The following ASIC2 variants were observed in gnomAD, a reference collection of about 807,000 sequenced individuals.
ASIC2 encodes the protein acid-sensing ion channel 2.
Under a neutral mutation model 57.3 loss-of-function variants are expected in ASIC2, and 25 were observed. The ratio of observed to expected loss-of-function variants is 0.44; its 90% CI spans 0.32 to 0.61. The LOEUF (loss-of-function observed/expected upper bound fraction) is 0.61, where lower values mean the gene tolerates loss of function less well. ASIC2 is among the 20% of genes least tolerant of loss of function. ASIC2 has a pLI of 0.06. For synonymous variants in ASIC2, 319 were observed against 307.5 expected (o/e 1.04, Z -0.39); for missense variants, 641 against 738.1 (o/e 0.87, Z 1.52).
intron 1 of ASIC2, among the ~76,000 whole-genome samples, chr17:33,388,978 G>C (rs572762277): frequency 5.3e-5 from 8 of 152,200 alleles, no homozygotes; most frequent in Non-Finnish European, 1.0e-4. Flanking sequence ...GTTTGTTTTT[G>C]AGACAGAGTC....
At chr17:34,100,595 A>G (rs540680794) in intron 1 of ASIC2, among the ~76,000 whole-genome samples, 8 of 152,110 alleles carry the variant, frequency 5.3e-5, no homozygotes, top group Non-Finnish European at 1.0e-4. Flanking sequence ...AGACACCTCA[A>G]TGCAGAAGGG....
At chr17:33,594,603 C>T (rs1370915274) in intron 1 of ASIC2, among the ~76,000 whole-genome samples, 1 of 151,648 alleles carries the variant, frequency 6.6e-6, no homozygotes, top group Non-Finnish European at 1.5e-5. Flanking sequence ...CTGAGGCAGG[C>T]GGATCACGAG....
intron 1 of ASIC2, among the ~76,000 whole-genome samples, chr17:33,959,116 C>T (rs1264190890): frequency 1.3e-5 from 2 of 152,192 alleles, no homozygotes; most frequent in Admixed American, 1.3e-4. Context: ...TTGGTCAAAG[C>T]CATTCAACAA....
At chr17:34,020,316 T>G (rs1367394762) in intron 1 of ASIC2, among the ~76,000 whole-genome samples, 1 of 152,224 alleles carries the variant, frequency 6.6e-6, no homozygotes, top group Non-Finnish European at 1.5e-5. Flanking sequence ...TTACTCTAAC[T>G]GCCTTGACAT....
intron 1 of ASIC2, among the ~76,000 whole-genome samples, chr17:33,470,610 G>C (rs576910611): frequency 6.6e-6 from 1 of 152,160 alleles, no homozygotes; most frequent in African/African-American, 2.4e-5. Flanking sequence ...GGATCACTGT[G>C]ATCACTAAAG....
intron 1 of ASIC2, among the ~76,000 whole-genome samples, chr17:33,995,079 G>T (rs1016597875): frequency 2.0e-5 from 3 of 152,080 alleles, no homozygotes; most frequent in Admixed American, 6.5e-5. Flanking sequence ...CTCCATCCAG[G>T]ACTGTACCTA....
intron 1 of ASIC2, among the ~76,000 whole-genome samples, chr17:33,919,772 T>G (rs1051674605): frequency 6.6e-6 from 1 of 152,152 alleles, no homozygotes; most frequent in Non-Finnish European, 1.5e-5. Flanking sequence ...AAATTATGCA[T>G]CCAGCAAAGG....
intron 1 of ASIC2, among the ~76,000 whole-genome samples, chr17:33,595,131 C>T (rs1235314878): frequency 1.3e-5 from 2 of 152,076 alleles, no homozygotes; most frequent in Admixed American, 6.5e-5. Flanking sequence ...GAGGCTGAGG[C>T]AGGAAGCTTG....
At chr17:34,145,227 A>G (rs11657866) in intron 1 of ASIC2, among the ~76,000 whole-genome samples, 115,340 of 152,074 alleles carry the variant, frequency 0.76, 43,826 homozygotes, top group South Asian at 0.85. Context: ...ACAGTCTCAT[A>G]TGGCACCATT....
intron 1 of ASIC2, among the ~76,000 whole-genome samples, chr17:34,132,280 C>A (rs559557611): frequency 6.6e-6 from 1 of 152,060 alleles, no homozygotes; most frequent in East Asian, 1.9e-4. Context: ...AGTGTTACAG[C>A]TCTTAAAGGT....
chr17:33,092,655 C>T (rs8075661), intron 2 of ASIC2, among the ~76,000 whole-genome samples: 2,749 of 152,326 alleles, frequency 0.018, 72 homozygotes, highest in African/African-American at 0.063. Flanking sequence ...GGTCAGACAG[C>T]AAGTCAAGAG....
chr17:34,034,311 A>T (rs533553437), intron 1 of ASIC2, among the ~76,000 whole-genome samples: 1 of 152,086 alleles, frequency 6.6e-6, no homozygotes, highest in South Asian at 2.1e-4. Context: ...AAATTCAACA[A>T]CCCTTCATGC....
chr17:34,018,964 G>T (rs1362019294), intron 1 of ASIC2, among the ~76,000 whole-genome samples: 1 of 151,956 alleles, frequency 6.6e-6, no homozygotes, highest in Non-Finnish European at 1.5e-5. Context: ...CTGGAGTGCA[G>T]TGGCGCGATC....
chr17:33,687,145 C>T (rs372740463), intron 1 of ASIC2, among the ~76,000 whole-genome samples: 128 of 152,222 alleles, frequency 8.4e-4, no homozygotes, highest in African/African-American at 2.9e-3. Context: ...TTGTGAAAAC[C>T]GAATGGAATA....
At chr17:34,151,697 C>A (rs1332621611) in intron 1 of ASIC2, among the ~76,000 whole-genome samples, 2 of 152,164 alleles carry the variant, frequency 1.3e-5, no homozygotes, top group Non-Finnish European at 2.9e-5. Flanking sequence ...TGCTCCAAAG[C>A]TGTTGGTGAA....
chr17:33,947,033 G>A (rs1483091227), intron 1 of ASIC2, among the ~76,000 whole-genome samples: 1 of 152,128 alleles, frequency 6.6e-6, no homozygotes, highest in African/African-American at 2.4e-5. Context: ...AGTAATAGAG[G>A]AGAACCAAAG....
chr17:33,607,465 C>A (rs1245565809), intron 1 of ASIC2, among the ~76,000 whole-genome samples: 1 of 152,162 alleles, frequency 6.6e-6, no homozygotes, highest in East Asian at 1.9e-4. Flanking sequence ...TCTCATTACA[C>A]CCACTGCAGC....
At chr17:34,008,960 G>T (rs1906622003) in intron 1 of ASIC2, among the ~76,000 whole-genome samples, 2 of 152,182 alleles carry the variant, frequency 1.3e-5, no homozygotes, top group African/African-American at 4.8e-5. Flanking sequence ...TTCACATTTG[G>T]ATTTAGCCTC....
intron 1 of ASIC2, among the ~76,000 whole-genome samples, chr17:33,317,601 A>C (rs1400640321): frequency 6.6e-6 from 1 of 152,134 alleles, no homozygotes; most frequent in Non-Finnish European, 1.5e-5. Flanking sequence ...AAGTCGACAG[A>C]TGTTTTTCAA....
Sources: allele counts gnomAD v4.1 joint callset (sites outside exome capture counted in the v4.1 genomes callset), GRCh38; gene constraint gnomAD v4.1.1; transcripts MANE v1.5; gene names NCBI Gene and HGNC (gene_info 2026-07-23, HGNC 2026-07-21).